RUNX2: variants seen among roughly 807,000 people sequenced by gnomAD.
RUNX2 encodes the protein runt-related transcription factor 2.
A neutral mutation model predicts 51.7 loss-of-function variants in RUNX2; 10 were observed. The ratio of observed to expected loss-of-function variants is 0.19; its 90% confidence interval spans 0.12 to 0.33. The LOEUF (loss-of-function observed/expected upper bound fraction) is 0.33. Among genes scored for constraint, RUNX2 ranks in the 10% least tolerant of loss-of-function variants. RUNX2 has a pLI of 1.00. For missense variants in RUNX2, 562 were observed against 691.3 expected (o/e 0.81, Z 2.10); for synonymous variants, 276 against 273.6 (o/e 1.01, Z -0.09).
chr6:45,527,570 A>C (rs989091550), intron 7 of RUNX2, among the ~76,000 whole-genome samples: 1 of 152,212 alleles, frequency 6.6e-6, no homozygotes, highest in Non-Finnish European at 1.5e-5. Context: ...TTACTTTAAA[A>C]GGAATAATAT....
At chr6:45,376,536 C>A (rs1796798229) in intron 2 of RUNX2, among the ~76,000 whole-genome samples, 1 of 152,212 alleles carries the variant, frequency 6.6e-6, no homozygotes, top group Non-Finnish European at 1.5e-5. Context: ...TGCCTAAAGG[C>A]ACAGATTATG....
chr6:45,394,781 C>T (rs539189571), intron 2 of RUNX2, among the ~76,000 whole-genome samples: 5 of 152,274 alleles, frequency 3.3e-5, no homozygotes, highest in South Asian at 2.1e-4. Context: ...CAGCTAAACC[C>T]GGGTAAAATA....
At chr6:45,380,607 C>G (rs997324050) in intron 2 of RUNX2, among the ~76,000 whole-genome samples, 1 of 152,240 alleles carries the variant, frequency 6.6e-6, no homozygotes, top group Middle Eastern at 3.4e-3. Flanking sequence ...GACAGAGTCT[C>G]GCTCTGTCAC....
rs568757962 is a variant in RUNX2 at position 45,488,838 on chromosome 6, G to T, written c.686-3103G>T. Among the ~76,000 whole-genome samples, 7 of 152,240 alleles carry T rather than the reference G, an allele frequency of 4.6e-5. No homozygotes were observed. In the South Asian group the frequency reaches 1.5e-3, roughly 32 times the overall value. On this transcript the variant is annotated intron_variant, in intron 5 of 8. Coordinates refer to ENST00000647337, the MANE Select transcript of RUNX2 (RefSeq NM_001024630.4). The stretch of plus-strand genomic sequence containing the variant: ...TGGAACATCTACTCGTTGGCCCGTT[G>T]GATGAGGTTTAGTCCTCACTGCACT...
At chr6:45,535,957 G>C (rs907912692) in intron 7 of RUNX2, among the ~76,000 whole-genome samples, 1 of 152,004 alleles carries the variant, frequency 6.6e-6, no homozygotes, top group Non-Finnish European at 1.5e-5. Flanking sequence ...TGTTGCTCTT[G>C]CAAATGTTTG....
At chr6:45,333,968 A>G (rs1788036976) in intron 2 of RUNX2, among the ~76,000 whole-genome samples, 1 of 151,282 alleles carries the variant, frequency 6.6e-6, no homozygotes, top group Non-Finnish European at 1.5e-5. Flanking sequence ...TACATACGCA[A>G]TTTCGATAAT....
At chr6:45,362,813 A>G (rs1176204201) in intron 2 of RUNX2, among the ~76,000 whole-genome samples, 1 of 151,532 alleles carries the variant, frequency 6.6e-6, no homozygotes, top group African/African-American at 2.4e-5. Flanking sequence ...TTAATAAGAA[A>G]GTGCTGAATT....
rs1219072282 is a variant in RUNX2 at position 45,485,697 on chromosome 6, G to GTGTATA, written c.686-6243_686-6242insGTATAT. Among the ~76,000 whole-genome samples, 447 of 104,062 alleles carry GTGTATA rather than the reference G, an allele frequency of 4.3e-3. 2 individuals are homozygous for GTGTATA. Among genetic ancestry groups the GTGTATA allele is most frequent in the African/African-American group, 0.015 (406 of 26,284 alleles). The allele number at this position is 104,062 out of a possible 152,430, so 68.3% of individuals were successfully genotyped here. A position where few individuals can be genotyped will look rare whatever the true frequency, so the allele number is the denominator to read the frequency against. On this transcript the variant is annotated intron_variant, in intron 5 of 8. Coordinates refer to ENST00000647337, the MANE Select transcript of RUNX2 (RefSeq NM_001024630.4). ...TATGTGTGTGTGTGTGTGTGTGTGT[G>GTGTATA]TATATATATATATATATATACACAT...
chr6:45,386,636 G>GT (rs925145046), intron 2 of RUNX2, among the ~76,000 whole-genome samples: 7 of 152,250 alleles, frequency 4.6e-5, no homozygotes, highest in East Asian at 1.9e-4. Flanking sequence ...TAAATGTTGG[G>GT]TTTTTTTGTC....
chr6:45,540,951 G>A (rs895982261), intron 7 of RUNX2, among the ~76,000 whole-genome samples: 1 of 152,210 alleles, frequency 6.6e-6, no homozygotes, highest in Admixed American at 6.5e-5. Context: ...ATGCAATAAT[G>A]CTTGGGAATA....
intron 2 of RUNX2, among the ~76,000 whole-genome samples, chr6:45,368,311 G>A (rs1029271525): frequency 1.3e-5 from 2 of 152,096 alleles, no homozygotes; most frequent in African/African-American, 4.8e-5. Context: ...TGATCATTAA[G>A]CTAATAGCTA....
chr6:45,503,539 C>T (rs1472368417), intron 6 of RUNX2, among the ~76,000 whole-genome samples: 1 of 152,198 alleles, frequency 6.6e-6, no homozygotes, highest in Non-Finnish European at 1.5e-5. Context: ...ATGATTCGAA[C>T]TAAGGGCCAC....
At chr6:45,465,457 A>G (rs1164178617) in intron 5 of RUNX2, among the ~76,000 whole-genome samples, 1 of 152,040 alleles carries the variant, frequency 6.6e-6, no homozygotes, top group Non-Finnish European at 1.5e-5. Flanking sequence ...CATACCTTAT[A>G]TAATAAATAT....
chr6:45,407,322 T>C (rs1214683953), intron 2 of RUNX2, among the ~76,000 whole-genome samples: 1 of 152,012 alleles, frequency 6.6e-6, no homozygotes, highest in Non-Finnish European at 1.5e-5. Context: ...ACTGCTGGGA[T>C]GCAGAGATGA....
At chr6:45,452,267 T>A (rs1209509826) in intron 5 of RUNX2, among the ~76,000 whole-genome samples, 1 of 152,142 alleles carries the variant, frequency 6.6e-6, no homozygotes, top group Non-Finnish European at 1.5e-5. Flanking sequence ...AAAATCAACC[T>A]CAAGGAATTT....
At chr6:45,403,017 TAA>T (rs984110021) in intron 2 of RUNX2, among the ~76,000 whole-genome samples, 5 of 152,116 alleles carry the variant, frequency 3.3e-5, no homozygotes, top group African/African-American at 1.2e-4. Context: ...CTATGAGGTT[TAA>T]AAAAGTAATC....
At chr6:45,467,139 G>A (rs140093423) in intron 5 of RUNX2, among the ~76,000 whole-genome samples, 1 of 152,282 alleles carries the variant, frequency 6.6e-6, no homozygotes, top group East Asian at 1.9e-4. Context: ...CAGTCCTCAT[G>A]ATCCTTGGCC....
chr6:45,328,525 TTTTTG>T, intron 1 of RUNX2, 65 bp downstream of exon 1: 7 of 1,564,308 alleles, frequency 4.5e-6, no homozygotes, highest in Non-Finnish European at 6.1e-6. Flanking sequence ...GCTCATTCTC[TTTTTG>T]TTTTGTTTCT....
chr6:45,456,623 G>A (rs891848219), intron 5 of RUNX2, among the ~76,000 whole-genome samples: 2 of 152,152 alleles, frequency 1.3e-5, no homozygotes, highest in African/African-American at 4.8e-5. Context: ...CATGCTTTGA[G>A]GGTCTCTTGG....
Sources: allele counts gnomAD v4.1 joint callset (sites outside exome capture counted in the v4.1 genomes callset), GRCh38; gene constraint gnomAD v4.1.1; transcripts MANE v1.5; gene names NCBI Gene and HGNC (gene_info 2026-07-23, HGNC 2026-07-21).